Variants in ENTREP2 observed in about 807,000 individuals in gnomAD.
The protein encoded by ENTREP2 is protein ENTREP2.
the ENTREP2 span, among the ~76,000 whole-genome samples, chr15:29,508,560 C>A: frequency 6.6e-6 from 1 of 152,128 alleles, no homozygotes; most frequent in Non-Finnish European, 1.5e-5. Flanking sequence ...ACAATCAAGT[C>A]GGCTTCATCC....
chr15:29,392,565 C>T, the ENTREP2 span, among the ~76,000 whole-genome samples: 14 of 152,310 alleles, frequency 9.2e-5, no homozygotes, highest in Admixed American at 9.1e-4. Context: ...GCCAAGTCAG[C>T]TGTCCTCATT....
the ENTREP2 span, among the ~76,000 whole-genome samples, chr15:29,382,504 C>G: frequency 6.6e-6 from 1 of 152,054 alleles, no homozygotes; most frequent in Non-Finnish European, 1.5e-5. Flanking sequence ...TAGGCAGTGT[C>G]TTCTGATGAG....
chr15:29,652,423 G>A, the ENTREP2 span, among the ~76,000 whole-genome samples: 4 of 152,330 alleles, frequency 2.6e-5, no homozygotes, highest in Admixed American at 6.5e-5. Context: ...TGGTTGCAGG[G>A]TAAGAACTCA....
At chr15:29,493,464 A>T in the ENTREP2 span, among the ~76,000 whole-genome samples, 1 of 152,014 alleles carries the variant, frequency 6.6e-6, no homozygotes, top group East Asian at 1.9e-4. Flanking sequence ...AAGAGAAGCT[A>T]TGTAAATCCT....
At chr15:29,237,827 A>C in the ENTREP2 span, among the ~76,000 whole-genome samples, 1 of 152,220 alleles carries the variant, frequency 6.6e-6, no homozygotes, top group African/African-American at 2.4e-5. Context: ...ACGCAAAAGC[A>C]ATTGTGGTTT....
chr15:29,124,756 C>A, the ENTREP2 span: 1 of 1,550,550 alleles, frequency 6.4e-7, no homozygotes, highest in South Asian at 1.2e-5. Context: ...TGTGAAGAGG[C>A]ATCGCCTTAA....
chr15:29,214,378 T>C, the ENTREP2 span, among the ~76,000 whole-genome samples: 1 of 152,192 alleles, frequency 6.6e-6, no homozygotes, highest in African/African-American at 2.4e-5. Flanking sequence ...GATGAATTCA[T>C]GTCCTTTGTA....
At chr15:29,448,025 C>T in the ENTREP2 span, among the ~76,000 whole-genome samples, 2 of 152,066 alleles carry the variant, frequency 1.3e-5, no homozygotes, top group African/African-American at 4.8e-5. Context: ...GGATTGAGTG[C>T]ACTCTAGCAC....
At chr15:29,162,911 ACCC>A in the ENTREP2 span, among the ~76,000 whole-genome samples, 53 of 151,826 alleles carry the variant, frequency 3.5e-4, no homozygotes, top group Non-Finnish European at 6.0e-4. Context: ...TCCACTGCAC[ACCC>A]CCCACCACCT....
At chr15:29,220,272 C>A in the ENTREP2 span, among the ~76,000 whole-genome samples, 2 of 152,124 alleles carry the variant, frequency 1.3e-5, no homozygotes, top group East Asian at 3.9e-4. Flanking sequence ...TCATTTAGCG[C>A]ATGTGAATTC....
chr15:29,118,098 C>A, the ENTREP2 span: 1 of 147,814 alleles, frequency 6.8e-6, no homozygotes, highest in Non-Finnish European at 1.5e-5. Context: ...TCTAGTCCAG[C>A]TCGGTTCATT....
the ENTREP2 span, among the ~76,000 whole-genome samples, chr15:29,670,240 G>A: frequency 6.6e-6 from 1 of 152,144 alleles, no homozygotes; most frequent in African/African-American, 2.4e-5. Flanking sequence ...ACAGGGGAGA[G>A]GGAAGGTAAG....
chr15:29,539,522 C>T, the ENTREP2 span, among the ~76,000 whole-genome samples: 3 of 151,972 alleles, frequency 2.0e-5, no homozygotes, highest in Non-Finnish European at 4.4e-5. Flanking sequence ...GTGAGGAGTC[C>T]ACCACTCAAC....
At chr15:29,430,063 G>A in the ENTREP2 span, among the ~76,000 whole-genome samples, 48 of 152,216 alleles carry the variant, frequency 3.2e-4, no homozygotes, top group Admixed American at 8.5e-4. Context: ...TCTCTAAGGA[G>A]AAATCAATTC....
the ENTREP2 span, among the ~76,000 whole-genome samples, chr15:29,593,559 C>T: frequency 6.6e-6 from 1 of 152,332 alleles, no homozygotes; most frequent in Non-Finnish European, 1.5e-5. Context: ...CCACAAACAG[C>T]CCATGCCCTG....
At chr15:29,274,454 A>G in the ENTREP2 span, among the ~76,000 whole-genome samples, 1 of 152,314 alleles carries the variant, frequency 6.6e-6, no homozygotes, top group East Asian at 1.9e-4. Context: ...TTGAAAAAGT[A>G]AGGGCTTTGG....
At chr15:29,216,668 G>C in the ENTREP2 span, among the ~76,000 whole-genome samples, 1 of 152,118 alleles carries the variant, frequency 6.6e-6, no homozygotes, top group Non-Finnish European at 1.5e-5. Context: ...ATTTAAAAAT[G>C]AACTTATGTT....
At chr15:29,657,109 G>A in the ENTREP2 span, among the ~76,000 whole-genome samples, 1 of 152,082 alleles carries the variant, frequency 6.6e-6, no homozygotes, top group African/African-American at 2.4e-5. Flanking sequence ...GGGCAGTGGC[G>A]CGGTCTTGGC....
chr15:29,353,770 TAG>T, the ENTREP2 span, among the ~76,000 whole-genome samples: 1 of 152,190 alleles, frequency 6.6e-6, no homozygotes, highest in Non-Finnish European at 1.5e-5. Flanking sequence ...CTCACGGGGA[TAG>T]AGTTACTCAC....
Sources: gnomAD v4.1 joint callset for allele counts (sites outside exome capture counted in the v4.1 genomes callset) on GRCh38, gnomAD v4.1.1 for gene constraint, MANE v1.5 for transcripts, NCBI Gene and HGNC (gene_info 2026-07-23, HGNC 2026-07-21) for gene names.